The following ADGRL2 variants were observed in gnomAD, a reference collection of about 807,000 sequenced individuals.
ADGRL2 encodes the protein adhesion G protein-coupled receptor L2.
ADGRL2 carries 44 observed loss-of-function variants against 157.4 expected under a neutral mutation model. The observed-to-expected ratio is 0.28, with a 90% CI of 0.22 to 0.36. The LOEUF is 0.36. ADGRL2 is among the 10% of genes least tolerant of loss of function. ADGRL2 has a pLI of 1.00. For synonymous variants in ADGRL2, 585 were observed against 624.7 expected (o/e 0.94, Z 0.95); for missense variants, 1,510 against 1,768.9 (o/e 0.85, Z 2.63).
At chr1:81,867,949 A>G (rs1381267026) in intron 2 of ADGRL2, among the ~76,000 whole-genome samples, 1 of 152,094 alleles carries the variant, frequency 6.6e-6, no homozygotes, top group East Asian at 1.9e-4. Flanking sequence ...ATCTGACAAA[A>G]GCTGGGCAAC....
At chr1:81,694,488 G>A (rs976234883) in intron 3 of ADGRL2, among the ~76,000 whole-genome samples, 4 of 151,726 alleles carry the variant, frequency 2.6e-5, no homozygotes, top group Admixed American at 6.6e-5. Flanking sequence ...ACATAATCTA[G>A]TATAAGCCCG....
intron 1 of ADGRL2, among the ~76,000 whole-genome samples, chr1:81,322,184 A>G (rs191426839): frequency 6.7e-6 from 1 of 149,952 alleles, no homozygotes; most frequent in Non-Finnish European, 1.5e-5. Flanking sequence ...GTATATACAT[A>G]TACATATACA....
intron 3 of ADGRL2, among the ~76,000 whole-genome samples, chr1:81,912,604 TG>T (rs1012083785): frequency 3.9e-5 from 6 of 152,086 alleles, no homozygotes; most frequent in Non-Finnish European, 7.4e-5. Context: ...ACAGAGATTA[TG>T]TAATTTGAGT....
At chr1:81,356,952 CAAAAAAAA>C (rs757239865) in intron 1 of ADGRL2, among the ~76,000 whole-genome samples, 1 of 55,668 alleles carries the variant, frequency 1.8e-5, no homozygotes, top group African/African-American at 7.4e-5. Context: ...GACTCCGTCT[CAAAAAAAA>C]AAAAAAAAAA....
At chr1:81,612,776 G>C (rs966911369) in intron 3 of ADGRL2, among the ~76,000 whole-genome samples, 1 of 152,106 alleles carries the variant, frequency 6.6e-6, no homozygotes, top group African/African-American at 2.4e-5. Context: ...TTCCTCCAAA[G>C]AAGACATACA....
intron 2 of ADGRL2, among the ~76,000 whole-genome samples, chr1:81,891,545 C>G (rs964206056): frequency 1.3e-5 from 2 of 152,036 alleles, no homozygotes; most frequent in Non-Finnish European, 2.9e-5. Flanking sequence ...ATTTTTGATG[C>G]CTTTTTGTCC....
chr1:81,687,241 T>A (rs147172295), intron 3 of ADGRL2, among the ~76,000 whole-genome samples: 4 of 152,316 alleles, frequency 2.6e-5, no homozygotes, highest in Admixed American at 2.6e-4. Flanking sequence ...AGTGCTGTAC[T>A]GAAGTCCCCC....
chr1:81,485,579 A>T (rs2078482662), intron 2 of ADGRL2, among the ~76,000 whole-genome samples: 1 of 152,174 alleles, frequency 6.6e-6, no homozygotes, highest in Admixed American at 6.5e-5. Context: ...TTCTTAAAAG[A>T]TGTTTCTAGA....
At chr1:81,612,006 T>C (rs960356559) in intron 3 of ADGRL2, among the ~76,000 whole-genome samples, 4 of 152,150 alleles carry the variant, frequency 2.6e-5, no homozygotes, top group Non-Finnish European at 4.4e-5. Context: ...CTGCCATGAT[T>C]GTAAGTTTCC....
chr1:81,939,292 T>C (rs1289283878), intron 4 of ADGRL2, among the ~76,000 whole-genome samples: 2 of 151,548 alleles, frequency 1.3e-5, no homozygotes, highest in Admixed American at 6.6e-5. Flanking sequence ...AGGGTATCCA[T>C]TGTCATTGCC....
chr1:81,831,111 T>C (rs1427049375), intron 1 of ADGRL2, among the ~76,000 whole-genome samples: 1 of 152,186 alleles, frequency 6.6e-6, no homozygotes, highest in Admixed American at 6.5e-5. Context: ...GATTAGTCCA[T>C]AATCTTGTAG....
At chr1:81,528,224 A>G (rs2079512044) in intron 2 of ADGRL2, among the ~76,000 whole-genome samples, 1 of 152,230 alleles carries the variant, frequency 6.6e-6, no homozygotes, top group Admixed American at 6.5e-5. Flanking sequence ...AGTTTTAGAT[A>G]TTTTGTTAGA....
intron 3 of ADGRL2, among the ~76,000 whole-genome samples, chr1:81,607,544 G>C (rs973437436): frequency 6.7e-6 from 1 of 149,438 alleles, no homozygotes; most frequent in Non-Finnish European, 1.5e-5. Flanking sequence ...GTGAGGCCAA[G>C]ATGACACCAA....
In ADGRL2 at chr1:81,863,021, T is replaced by G. The variant is rs202174927; in HGVS notation, c.73+25964T>G. Among the ~76,000 whole-genome samples, 10 of 152,316 alleles carry G rather than the reference T, an allele frequency of 6.6e-5. No homozygotes were observed. The East Asian group carries it at 1.7e-3, about 26-fold the overall frequency. Reference sequence around the variant, plus strand: ...TGATTTTTGGCATCATGTTTATACTTTTTCAAGGGAATATTCTGTATAGAC... The same window carrying G: ...TGATTTTTGGCATCATGTTTATACTGTTTCAAGGGAATATTCTGTATAGAC... On this transcript the variant is annotated intron_variant, in intron 2 of 23. Coordinates refer to ENST00000686636, the MANE Select transcript of ADGRL2 (RefSeq NM_001366006.2).
chr1:81,591,043 A>C (rs148872474), intron 3 of ADGRL2, among the ~76,000 whole-genome samples: 4 of 152,280 alleles, frequency 2.6e-5, no homozygotes, highest in African/African-American at 9.6e-5. Flanking sequence ...GCAGGCCATC[A>C]ATTCCCTAGC....
intron 1 of ADGRL2, among the ~76,000 whole-genome samples, chr1:81,357,684 A>G (rs1570714385): frequency 6.6e-6 from 1 of 152,338 alleles, no homozygotes. Context: ...CAGGTAGAAT[A>G]AAGAAAGCTT....
intron 2 of ADGRL2, among the ~76,000 whole-genome samples, chr1:81,496,296 CT>C (rs1473298017): frequency 6.6e-6 from 1 of 152,106 alleles, no homozygotes; most frequent in African/African-American, 2.4e-5. Flanking sequence ...CCAATAAAAC[CT>C]TTTATGCATG....
chr1:81,744,296 A>C (rs1486357367), intron 1 of ADGRL2, among the ~76,000 whole-genome samples: 3 of 152,172 alleles, frequency 2.0e-5, no homozygotes, highest in Non-Finnish European at 4.4e-5. Flanking sequence ...CATTTAAAGT[A>C]CTTGTAAACT....
At chr1:81,539,663 A>G (rs1315863832) in intron 2 of ADGRL2, among the ~76,000 whole-genome samples, 1 of 152,162 alleles carries the variant, frequency 6.6e-6, no homozygotes, top group Non-Finnish European at 1.5e-5. Flanking sequence ...TTCTAAGACT[A>G]AGAAGGCAGA....
Sources: gnomAD v4.1 joint callset for allele counts (sites outside exome capture counted in the v4.1 genomes callset) on GRCh38, gnomAD v4.1.1 for gene constraint, MANE v1.5 for transcripts, NCBI Gene and HGNC (gene_info 2026-07-23, HGNC 2026-07-21) for gene names.